NLGN1: variants seen among roughly 807,000 people sequenced by gnomAD.
NLGN1 encodes the protein neuroligin-1.
Under a neutral mutation model 65.5 loss-of-function variants are expected in NLGN1, and 12 were observed. The observed-to-expected ratio is 0.18, with a 90% CI of 0.12 to 0.30. The LOEUF (loss-of-function observed/expected upper bound fraction) is 0.30. NLGN1 is among the 10% of genes least tolerant of loss of function. The pLI is 1.00. For synonymous variants in NLGN1, 350 were observed against 359.5 expected (o/e 0.97, Z 0.30); for missense variants, 750 against 1,007.1 (o/e 0.74, Z 3.46).
intron 4 of NLGN1, among the ~76,000 whole-genome samples, chr3:173,949,572 CT>C (rs1747810909): frequency 6.6e-6 from 1 of 152,100 alleles, no homozygotes; most frequent in African/African-American, 2.4e-5. Context: ...TACTTTCAGA[CT>C]GAATGTGATG....
chr3:173,744,162 T>G (rs2150120691), intron 3 of NLGN1, among the ~76,000 whole-genome samples: 1 of 152,232 alleles, frequency 6.6e-6, no homozygotes. Flanking sequence ...CTAAAACCAT[T>G]AATTTTATTC....
chr3:173,807,507 A>G (rs1261111291), intron 3 of NLGN1, among the ~76,000 whole-genome samples, 173 bp from the exon 4 acceptor site: 1 of 152,144 alleles, frequency 6.6e-6, no homozygotes, highest in Non-Finnish European at 1.5e-5. Context: ...GCCTATTGCT[A>G]TTTCCACAAT....
At chr3:173,836,703 A>C (rs541670188) in intron 4 of NLGN1, among the ~76,000 whole-genome samples, 4 of 152,196 alleles carry the variant, frequency 2.6e-5, no homozygotes, top group African/African-American at 9.6e-5. Flanking sequence ...CATCTCCCCC[A>C]TTACTGAGAA....
chr3:173,789,854 C>T (rs751906699), intron 3 of NLGN1: 1 of 513,758 alleles, frequency 1.9e-6, no homozygotes, highest in Admixed American at 2.0e-5. Flanking sequence ...TATATTTTTC[C>T]CAACTGCCTC....
intron 4 of NLGN1, among the ~76,000 whole-genome samples, chr3:173,957,494 C>T (rs1401321337): frequency 6.6e-6 from 1 of 152,146 alleles, no homozygotes; most frequent in Non-Finnish European, 1.5e-5. Context: ...CCCCCAATAT[C>T]CATTCTCCCC....
intron 3 of NLGN1, among the ~76,000 whole-genome samples, chr3:173,747,301 T>C (rs1045758863): frequency 8.2e-5 from 12 of 145,944 alleles, no homozygotes; most frequent in African/African-American, 2.0e-4. Context: ...ATATCTTATG[T>C]ATGTATATAT....
intron 4 of NLGN1, among the ~76,000 whole-genome samples, chr3:174,259,485 G>C (rs1440070076): frequency 2.0e-5 from 3 of 150,204 alleles, no homozygotes; most frequent in Non-Finnish European, 4.4e-5. Context: ...CATCAATTAT[G>C]TGTATTAGCA....
chr3:174,002,503 G>A (rs1723497011), intron 4 of NLGN1, among the ~76,000 whole-genome samples: 1 of 152,120 alleles, frequency 6.6e-6, no homozygotes, highest in Admixed American at 6.5e-5. Context: ...AGTAATTACT[G>A]TAATCCATAT....
chr3:173,993,293 C>G (rs901659864), intron 4 of NLGN1, among the ~76,000 whole-genome samples: 1 of 152,134 alleles, frequency 6.6e-6, no homozygotes, highest in Non-Finnish European at 1.5e-5. Flanking sequence ...GTGGCCAAAG[C>G]AAATCACCAA....
chr3:173,829,831 G>C (rs993669824), intron 4 of NLGN1, among the ~76,000 whole-genome samples: 6 of 152,000 alleles, frequency 3.9e-5, no homozygotes, highest in Non-Finnish European at 5.9e-5. Flanking sequence ...TTGATATTCA[G>C]CCCATCTTAA....
At chr3:173,586,384 A>G (rs6445113) in intron 2 of NLGN1, among the ~76,000 whole-genome samples, 1,822 of 152,022 alleles carry the variant, frequency 0.012, 42 homozygotes, top group African/African-American at 0.042. Flanking sequence ...TCTGAAGCAC[A>G]CTCATTCTCT....
At chr3:173,611,179 TGAA>T (rs1046836722) in intron 3 of NLGN1, among the ~76,000 whole-genome samples, 1 of 152,010 alleles carries the variant, frequency 6.6e-6, no homozygotes, top group African/African-American at 2.4e-5. Context: ...TTAAGGAAAA[TGAA>T]GATAGAATTA....
At chr3:173,884,319 T>C (rs1430210787) in intron 4 of NLGN1, among the ~76,000 whole-genome samples, 1 of 152,214 alleles carries the variant, frequency 6.6e-6, no homozygotes, top group African/African-American at 2.4e-5. Context: ...GCACCTAATT[T>C]CTATTTCTAG....
At chr3:173,571,389 G>A (rs141807985) in intron 2 of NLGN1, among the ~76,000 whole-genome samples, 1 of 152,314 alleles carries the variant, frequency 6.6e-6, no homozygotes, top group East Asian at 1.9e-4. Flanking sequence ...GTCTCTAGGT[G>A]TGAGTATCTA....
At chr3:174,170,075 C>T (rs888351885) in intron 4 of NLGN1, among the ~76,000 whole-genome samples, 3 of 152,080 alleles carry the variant, frequency 2.0e-5, no homozygotes, top group Admixed American at 6.5e-5. Context: ...CAGTGTTTTC[C>T]TCTCAAGCTT....
At chr3:173,710,935 A>C (rs1768849599) in intron 3 of NLGN1, among the ~76,000 whole-genome samples, 1 of 152,298 alleles carries the variant, frequency 6.6e-6, no homozygotes, top group South Asian at 2.1e-4. Flanking sequence ...ACAATTTTAA[A>C]GCATTATTCC....
chr3:173,437,923 T>C (rs1458278011), intron 2 of NLGN1, among the ~76,000 whole-genome samples: 1 of 152,112 alleles, frequency 6.6e-6, no homozygotes, highest in Non-Finnish European at 1.5e-5. Flanking sequence ...CCCTCTACCA[T>C]CAAACTAGCA....
chr3:173,539,680 A>ATATATG (rs1560406451), intron 2 of NLGN1, among the ~76,000 whole-genome samples: 4 of 83,478 alleles, frequency 4.8e-5, no homozygotes, highest in African/African-American at 3.5e-4. Flanking sequence ...CATATATAAC[A>ATATATG]TACATATATG....
At chr3:174,233,594 A>C (rs1741141408) in intron 4 of NLGN1, among the ~76,000 whole-genome samples, 2 of 152,142 alleles carry the variant, frequency 1.3e-5, no homozygotes, top group Admixed American at 1.3e-4. Context: ...TTGTGTGATA[A>C]CATCAAGGTT....
Sources: allele counts gnomAD v4.1 joint callset (sites outside exome capture counted in the v4.1 genomes callset), GRCh38; gene constraint gnomAD v4.1.1; transcripts MANE v1.5; gene names NCBI Gene and HGNC (gene_info 2026-07-23, HGNC 2026-07-21).